ABI3BP: variants seen among roughly 807,000 people sequenced by gnomAD.
ABI3BP encodes the protein ABI family member 3 binding protein, also known as target of Nesh-SH3.
Under a neutral mutation model 268.6 loss-of-function variants are expected in ABI3BP, and 216 were observed. The ratio of observed to expected loss-of-function variants is 0.80; its 90% confidence interval spans 0.72 to 0.90. The LOEUF (loss-of-function observed/expected upper bound fraction) is 0.90. Ranked by LOEUF, ABI3BP falls within the 40% of genes least tolerant of loss-of-function variation. The pLI is 0.00. For missense variants in ABI3BP, 2,090 were observed against 2,182.4 expected, an observed-to-expected ratio of 0.96 and a Z score of 0.84; for synonymous variants, 730 against 730.0, an observed-to-expected ratio of 1.00 and a Z score of 0.00.
intron 1 of ABI3BP, among the ~76,000 whole-genome samples, chr3:100,965,713 G>A (rs9860015): frequency 0.16 from 24,001 of 151,930 alleles, 2,005 homozygotes; most frequent in Middle Eastern, 0.23. Flanking sequence ...GTGTGTTAGT[G>A]TGTTAGTGTG....
intron 67 of ABI3BP, 143 bp from the exon 68 acceptor site, chr3:100,750,753 C>T: frequency 1.6e-6 from 1 of 614,118 alleles, no homozygotes. Flanking sequence ...GCAAGAAGTT[C>T]TGGTGTTTTT....
intron 1 of ABI3BP, among the ~76,000 whole-genome samples, chr3:100,960,070 A>G (rs1057194326): frequency 6.6e-6 from 1 of 152,242 alleles, no homozygotes; most frequent in African/African-American, 2.4e-5. Context: ...GAACTATTAC[A>G]TGGGGAATTT....
chr3:100,839,582 C>A lies in ABI3BP; in HGVS notation c.1932G>T (p.Leu644Phe). 4 of 1,535,800 alleles carry A rather than the reference C, an allele frequency of 2.6e-6. No homozygotes were observed. Among genetic ancestry groups the A allele is most frequent in the Non-Finnish European group, 3.5e-6 (4 of 1,146,674 alleles). Reference sequence around the variant, plus strand: ...GAGTAGAATTACCAGTTGTGGGCACCAAGGGCTCCGGTTGTATCGTGGCAG... The same window carrying A: ...GAGTAGAATTACCAGTTGTGGGCACAAAGGGCTCCGGTTGTATCGTGGCAG... ...LEPATIQPEPLVPTTASKPSE... is the reference protein window; with the variant it reads ...LEPATIQPEPFVPTTASKPSE... The change falls in exon 24 of 68, where the codon TTG becomes TTT. Residue 644 changes from leucine (L) to phenylalanine (F), a missense_variant. Transcript: ENST00000471714.
intron 50 of ABI3BP, among the ~76,000 whole-genome samples, chr3:100,805,815 T>C (rs1180348051): frequency 2.0e-5 from 3 of 152,058 alleles, no homozygotes; most frequent in Admixed American, 6.6e-5. Context: ...ACTCAAGATA[T>C]GGTTATAAGA....
At chr3:100,967,726 T>G (rs552844797) in intron 1 of ABI3BP, among the ~76,000 whole-genome samples, 1 of 152,282 alleles carries the variant, frequency 6.6e-6, no homozygotes, top group Admixed American at 6.5e-5. Flanking sequence ...TACAACTAAC[T>G]TGACCTTTAA....
intron 1 of ABI3BP, among the ~76,000 whole-genome samples, chr3:100,927,511 A>C (rs575892637): frequency 1.1e-4 from 16 of 152,070 alleles, no homozygotes; most frequent in Non-Finnish European, 2.4e-4. Flanking sequence ...AAAGAGGTTT[A>C]ATTGGCTCAT....
chr3:100,793,974 C>T (rs557058343), intron 54 of ABI3BP, among the ~76,000 whole-genome samples: 1 of 152,150 alleles, frequency 6.6e-6, no homozygotes, highest in Non-Finnish European at 1.5e-5. Context: ...CTTACCCATC[C>T]TTGTTTCTCC....
At chr3:100,853,486 T>G (rs1372518816) in intron 14 of ABI3BP, among the ~76,000 whole-genome samples, 1 of 152,230 alleles carries the variant, frequency 6.6e-6, no homozygotes, top group African/African-American at 2.4e-5. Context: ...TATTTAATCC[T>G]CTCACACTAG....
intron 4 of ABI3BP, among the ~76,000 whole-genome samples, chr3:100,890,451 T>C (rs1042694524): frequency 3.3e-5 from 5 of 152,298 alleles, no homozygotes; most frequent in African/African-American, 4.8e-5. Flanking sequence ...GATAAGCTTC[T>C]CAATAATTGT....
intron 63 of ABI3BP, among the ~76,000 whole-genome samples, chr3:100,765,593 GT>G (rs376298604): frequency 2.6e-5 from 4 of 152,024 alleles, no homozygotes; most frequent in African/African-American, 9.7e-5. Context: ...GGTATCAGAT[GT>G]TTTTTTAAAG....
intron 61 of ABI3BP, among the ~76,000 whole-genome samples, 186 bp from the exon 62 acceptor site, chr3:100,771,138 G>A (rs1178979739): frequency 6.6e-6 from 1 of 152,140 alleles, no homozygotes; most frequent in Non-Finnish European, 1.5e-5. Context: ...GATATAGGGT[G>A]GTGTTGATTT....
At chr3:100,870,490 C>T (rs2099098717) in intron 9 of ABI3BP, among the ~76,000 whole-genome samples, 1 of 151,902 alleles carries the variant, frequency 6.6e-6, no homozygotes, top group Non-Finnish European at 1.5e-5. Context: ...TAAGACCACA[C>T]TGAGATATCA....
intron 1 of ABI3BP, among the ~76,000 whole-genome samples, chr3:100,985,091 G>A (rs1231865690): frequency 1.3e-5 from 2 of 148,682 alleles, no homozygotes; most frequent in Non-Finnish European, 3.0e-5. Flanking sequence ...TAGACCTACA[G>A]TAACTTCCAT....
At chr3:100,960,659 A>G (rs1204402199) in intron 1 of ABI3BP, among the ~76,000 whole-genome samples, 2 of 152,246 alleles carry the variant, frequency 1.3e-5, no homozygotes, top group African/African-American at 4.8e-5. Flanking sequence ...AGGACGTCAG[A>G]GAGATTCAAA....
At chr3:100,953,380 TGAA>T (rs2075777947) in intron 1 of ABI3BP, among the ~76,000 whole-genome samples, 1 of 152,002 alleles carries the variant, frequency 6.6e-6, no homozygotes, top group African/African-American at 2.4e-5. Context: ...TACTCATAAA[TGAA>T]GAAAAAATAG....
chr3:100,770,794 G>A lies in ABI3BP; in HGVS notation c.4690C>T (p.Pro1564Ser), dbSNP rs765801737. ...NLTVVTVEGCPSFVILDWEKP... is the reference protein window; with the variant it reads ...NLTVVTVEGCSSFVILDWEKP... ...TCCCAGTCCAAGATGACAAATGAGG[G>A]GCACCCTTCCACGGTGACCACAGTG... Residue 1564 changes from proline to serine, a missense_variant, in exon 62 of 68, where the codon CCC becomes TCC. Coordinates refer to ENST00000471714, the MANE Select transcript of ABI3BP (RefSeq NM_001375547.2). 2 of 1,567,440 alleles carry A rather than the reference G, an allele frequency of 1.3e-6. No individual in the cohort carries two copies. Among genetic ancestry groups the A allele is most frequent in the Non-Finnish European group, 1.7e-6 (2 of 1,156,868 alleles).
intron 1 of ABI3BP, among the ~76,000 whole-genome samples, chr3:100,938,171 G>A (rs758631968): frequency 5.9e-5 from 9 of 151,768 alleles, no homozygotes; most frequent in Non-Finnish European, 1.0e-4. Context: ...AGGAGGGAGA[G>A]GATCAGAAAA....
At chr3:100,928,452 A>G (rs1006418073) in intron 1 of ABI3BP, among the ~76,000 whole-genome samples, 4 of 152,090 alleles carry the variant, frequency 2.6e-5, no homozygotes, top group African/African-American at 9.7e-5. Flanking sequence ...CACAGCCTCA[A>G]TAGAACCACA....
chr3:100,787,627 G>T (rs2097090286), intron 57 of ABI3BP, 101 bp downstream of exon 57: 1 of 1,024,850 alleles, frequency 9.8e-7, no homozygotes, highest in Non-Finnish European at 1.3e-6. Context: ...TTTAAAAACT[G>T]GTAAAAAGGA....
Sources: gnomAD v4.1 joint callset for allele counts (sites outside exome capture counted in the v4.1 genomes callset) on GRCh38, gnomAD v4.1.1 for gene constraint, MANE v1.5 for transcripts, NCBI Gene and HGNC (gene_info 2026-07-23, HGNC 2026-07-21) for gene names.